NCKAP5: variants seen among roughly 807,000 people sequenced by gnomAD.
The protein encoded by NCKAP5 is NCK associated protein 5.
In NCKAP5, 92 loss-of-function variants were observed where a neutral mutation model predicts 167.0. The observed-to-expected ratio is 0.55, with a 90% CI of 0.47 to 0.66. The LOEUF is 0.66. Among genes scored for constraint, NCKAP5 ranks in the 30% least tolerant of loss-of-function variants. The probability of loss-of-function intolerance (pLI) is 0.00; values close to 1 mark genes in which losing one functional copy is unlikely to be tolerated. For missense variants in NCKAP5, 2,378 were observed against 2,315.0 expected (o/e 1.03, Z -0.56); for synonymous variants, 891 against 877.4 (o/e 1.02, Z -0.27).
chr2:133,439,938 T>A (rs899871090), intron 3 of NCKAP5, among the ~76,000 whole-genome samples: 4 of 152,214 alleles, frequency 2.6e-5, no homozygotes, highest in African/African-American at 9.7e-5. Flanking sequence ...AATGCCTACA[T>A]AATTAGTCTC....
chr2:132,788,422 C>T (rs1405345569), intron 13 of NCKAP5, among the ~76,000 whole-genome samples: 1 of 152,116 alleles, frequency 6.6e-6, no homozygotes, highest in African/African-American at 2.4e-5. Flanking sequence ...TTCAACAAGG[C>T]CAGTATAAAA....
the NCKAP5 span, among the ~76,000 whole-genome samples, chr2:133,638,597 C>T: frequency 4.6e-5 from 7 of 152,298 alleles, no homozygotes; most frequent in East Asian, 1.2e-3. Context: ...CAGTGGCTCA[C>T]GCCTATAATC....
At chr2:133,505,066 C>G (rs1368271427) in intron 3 of NCKAP5, among the ~76,000 whole-genome samples, 1 of 152,144 alleles carries the variant, frequency 6.6e-6, no homozygotes, top group Non-Finnish European at 1.5e-5. Flanking sequence ...GGACCTTGTG[C>G]ACAGGGAGTC....
At chr2:133,353,642 C>T (rs538930723) in intron 3 of NCKAP5, among the ~76,000 whole-genome samples, 39 of 152,276 alleles carry the variant, frequency 2.6e-4, no homozygotes, top group African/African-American at 8.9e-4. Context: ...ACATAAACTG[C>T]AAACCCCAGG....
chr2:133,383,612 T>C (rs564251170), intron 3 of NCKAP5, among the ~76,000 whole-genome samples: 21 of 152,344 alleles, frequency 1.4e-4, no homozygotes, highest in Non-Finnish European at 2.1e-4. Flanking sequence ...ATGGTATTTC[T>C]AGTTCTAGAA....
chr2:133,393,817 A>C (rs17745593), intron 3 of NCKAP5, among the ~76,000 whole-genome samples: 32,814 of 152,184 alleles, frequency 0.22, 3,821 homozygotes, highest in Non-Finnish European at 0.25. Flanking sequence ...CCTTGGTGCC[A>C]TATGTATTAG....
intron 4 of NCKAP5, among the ~76,000 whole-genome samples, chr2:133,289,801 T>C (rs1415678058): frequency 6.6e-6 from 1 of 152,118 alleles, no homozygotes; most frequent in East Asian, 1.9e-4. Context: ...CACAGTTCCA[T>C]AGGCTGTATA....
At chr2:132,760,602 C>T (rs925085862) in intron 16 of NCKAP5, among the ~76,000 whole-genome samples, 1 of 151,320 alleles carries the variant, frequency 6.6e-6, no homozygotes, top group Non-Finnish European at 1.5e-5. Context: ...ACTAATGAGT[C>T]ATTTTTTCCC....
chr2:133,112,493 T>A (rs1314677982), intron 6 of NCKAP5, among the ~76,000 whole-genome samples: 1 of 150,956 alleles, frequency 6.6e-6, no homozygotes, highest in African/African-American at 2.4e-5. Context: ...AAAAGTATGC[T>A]GTTCACTGGT....
chr2:133,115,682 C>A (rs2082049146), intron 6 of NCKAP5, among the ~76,000 whole-genome samples: 1 of 150,244 alleles, frequency 6.7e-6, no homozygotes, highest in Non-Finnish European at 1.5e-5. Context: ...CCAAATACAT[C>A]TCTTTCTGTA....
intron 3 of NCKAP5, among the ~76,000 whole-genome samples, chr2:133,386,288 C>T (rs1047767053): frequency 1.3e-5 from 2 of 152,314 alleles, no homozygotes; most frequent in African/African-American, 2.4e-5. Context: ...TTTATTTCTG[C>T]CTTCATTTCA....
intron 15 of NCKAP5, among the ~76,000 whole-genome samples, chr2:132,775,257 T>C (rs1682450577): frequency 6.6e-6 from 1 of 152,262 alleles, no homozygotes; most frequent in South Asian, 2.1e-4. Flanking sequence ...TTTAGCTTTC[T>C]ACTTTTTGCC....
chr2:133,274,757 C>T (rs1199151202), intron 4 of NCKAP5, among the ~76,000 whole-genome samples: 2 of 151,104 alleles, frequency 1.3e-5, no homozygotes, highest in African/African-American at 4.8e-5. Context: ...AAAAATGGCA[C>T]CAGGTTAACT....
At chr2:133,141,281 C>A (rs2082986620) in intron 5 of NCKAP5, among the ~76,000 whole-genome samples, 2 of 151,918 alleles carry the variant, frequency 1.3e-5, no homozygotes, top group African/African-American at 4.8e-5. Context: ...ACTATTAAGT[C>A]AAAAATTTAA....
chr2:132,773,118 G>A (rs531048257), intron 16 of NCKAP5, among the ~76,000 whole-genome samples: 97 of 152,320 alleles, frequency 6.4e-4, no homozygotes, highest in African/African-American at 1.9e-3. Flanking sequence ...TATATTTAGA[G>A]CCTGAGGAAC....
chr2:133,605,637 A>G, the NCKAP5 span, among the ~76,000 whole-genome samples: 1 of 152,200 alleles, frequency 6.6e-6, no homozygotes, highest in African/African-American at 2.4e-5. Flanking sequence ...TCGATTTGTA[A>G]AAGCTTCTTA....
At chr2:133,225,239 G>A (rs1464679025) in intron 4 of NCKAP5, among the ~76,000 whole-genome samples, 1 of 151,432 alleles carries the variant, frequency 6.6e-6, no homozygotes, top group Admixed American at 6.6e-5. Context: ...ATTCTTGAGG[G>A]AAAAAAAACA....
At chr2:133,388,668 C>G (rs187584705) in intron 3 of NCKAP5, among the ~76,000 whole-genome samples, 4 of 152,354 alleles carry the variant, frequency 2.6e-5, no homozygotes, top group Admixed American at 2.6e-4. Context: ...CCTCCTTGAA[C>G]TGTGGTGGGA....
intron 11 of NCKAP5, among the ~76,000 whole-genome samples, chr2:132,820,418 C>T (rs531399955): frequency 2.2e-4 from 34 of 151,856 alleles, no homozygotes; most frequent in South Asian, 4.2e-4. Flanking sequence ...TTAGTAGAGA[C>T]GGGGTTTCAT....
Sources: allele counts gnomAD v4.1 joint callset (sites outside exome capture counted in the v4.1 genomes callset), GRCh38; gene constraint gnomAD v4.1.1; transcripts MANE v1.5; gene names NCBI Gene and HGNC (gene_info 2026-07-23, HGNC 2026-07-21).